RFC3: variants seen among roughly 807,000 people sequenced by gnomAD.
RFC3 encodes the protein A1 38 kDa subunit.
RFC3 carries 41 observed loss-of-function variants against 45.1 expected under a neutral mutation model. The ratio of observed to expected loss-of-function variants is 0.91; its 90% confidence interval spans 0.71 to 1.18. The LOEUF (loss-of-function observed/expected upper bound fraction) is 1.18, where lower values mean the gene tolerates loss of function less well. Ranked by LOEUF, RFC3 falls within the 50% of genes most tolerant of loss-of-function variation. The pLI is 0.00. For missense variants in RFC3, 423 were observed against 428.1 expected (o/e 0.99, Z 0.10); for synonymous variants, 149 against 144.0 (o/e 1.03, Z -0.25).
intron 8 of RFC3, among the ~76,000 whole-genome samples, chr13:33,922,151 T>C (rs1029332818): frequency 4.4e-5 from 4 of 89,994 alleles, no homozygotes; most frequent in African/African-American, 1.5e-4. Flanking sequence ...GCTTCATTGC[T>C]TTTTTTTTTT....
chr13:33,976,144 A>C, the RFC3 span, among the ~76,000 whole-genome samples: 3 of 152,226 alleles, frequency 2.0e-5, no homozygotes, highest in African/African-American at 7.2e-5. Flanking sequence ...CCAGTGAAAG[A>C]AGCATTGGAT....
intron 8 of RFC3, among the ~76,000 whole-genome samples, chr13:33,899,498 G>A (rs929513628): frequency 7.9e-5 from 12 of 151,354 alleles, no homozygotes; most frequent in African/African-American, 2.9e-4. Flanking sequence ...ACAATAAAAA[G>A]CCTCATCAAA....
chr13:33,826,700 A>G (rs1213234744), intron 4 of RFC3, among the ~76,000 whole-genome samples: 3 of 152,068 alleles, frequency 2.0e-5, no homozygotes, highest in Admixed American at 2.0e-4. Flanking sequence ...ATATCTTGCT[A>G]TGTTATTAAA....
chr13:33,873,145 C>T (rs2082423401), intron 8 of RFC3, among the ~76,000 whole-genome samples: 1 of 152,174 alleles, frequency 6.6e-6, no homozygotes, highest in Non-Finnish European at 1.5e-5. Context: ...ACCAACTCTA[C>T]ACCTCCAGGC....
chr13:33,836,725 T>C lies in RFC3; in HGVS notation c.*430T>C. The C allele has an allele frequency of 1.0e-6, 1 of 985,184 alleles. No individual in the cohort carries two copies. The highest frequency in any genetic ancestry group is 1.2e-6 in the Non-Finnish European group (1 of 829,468). The allele number at this position is 985,184 out of a possible 1,614,324, so 61.0% of individuals were successfully genotyped here. A position where few individuals can be genotyped will look rare whatever the true frequency, so the allele number is the denominator to read the frequency against. ...TATATTTAATTCTAGTTTCTCTCAA[T>C]GAATAATTGTATTTTTGTAGGAAAT... On this transcript the variant is annotated 3_prime_UTR_variant, in exon 9 of 9. Coordinates refer to ENST00000380071, the MANE Select transcript of RFC3 (RefSeq NM_002915.4).
At chr13:33,940,568 A>T (rs2082916736) in intron 8 of RFC3, among the ~76,000 whole-genome samples, 1 of 152,216 alleles carries the variant, frequency 6.6e-6, no homozygotes, top group Non-Finnish European at 1.5e-5. Flanking sequence ...TGCTGTTGTC[A>T]TAGCCATTAT....
chr13:33,834,298 G>GTGTGTATATATATATA lies in RFC3; in HGVS notation c.810-849_810-848insGTGTATATATATATAT, dbSNP rs1302839326. Among the ~76,000 whole-genome samples, 464 of 109,024 alleles carry GTGTGTATATATATATA rather than the reference G, an allele frequency of 4.3e-3. 6 individuals carry two copies. Among genetic ancestry groups the GTGTGTATATATATATA allele is most frequent in the East Asian group, 0.021 (69 of 3,346 alleles). The allele number at this position is 109,024 out of a possible 152,430, so 71.5% of individuals were successfully genotyped here. On this transcript the variant is annotated intron_variant, in intron 7 of 8. Transcript: ENST00000380071. ...GAAGTATGGAACATCTGTACTGTGT[G>GTGTGTATATATATATA]TATATATATATATATATATATATAT...
chr13:33,910,605 C>T (rs2082698075), intron 8 of RFC3, among the ~76,000 whole-genome samples: 1 of 152,008 alleles, frequency 6.6e-6, no homozygotes, highest in South Asian at 2.1e-4. Context: ...ATAGGAGCTA[C>T]CTGGCAAGGA....
intron 8 of RFC3, among the ~76,000 whole-genome samples, chr13:33,907,329 C>G (rs1244030534): frequency 6.6e-6 from 1 of 152,020 alleles, no homozygotes; most frequent in Non-Finnish European, 1.5e-5. Context: ...ACCAGAAATC[C>G]TGGATTGCTG....
chr13:33,937,941 C>A (rs1443976480), intron 8 of RFC3, among the ~76,000 whole-genome samples: 1 of 152,082 alleles, frequency 6.6e-6, no homozygotes, highest in African/African-American at 2.4e-5. Context: ...GGGGTGGCAG[C>A]TTTCTGCCCT....
Position 33,933,862 on chromosome 13 carries a change from C to T in RFC3, c.880-32225C>T, listed in dbSNP as rs755954170. Among the ~76,000 whole-genome samples, 46 of 150,526 alleles carry T rather than the reference C, an allele frequency of 3.1e-4. 1 individual carries two copies. Among genetic ancestry groups the T allele is most frequent in the Admixed American group, 6.6e-5 (1 of 15,096 alleles). On this transcript the variant is annotated intron_variant, in intron 8 of 8. Transcript: ENST00000434425. ...GTTTTAAAGTTTCATTGGCTAACTA[C>T]GTTAAATTAAGAGAAATATGTAATT... is the stretch of plus-strand genomic sequence containing the variant.
In RFC3 at chr13:33,947,667, T is replaced by C. The variant is rs2082962800; in HGVS notation, c.880-18420T>C. Among the ~76,000 whole-genome samples the C allele has an allele frequency of 3.9e-5, 6 of 152,196 alleles. No homozygotes were observed. The South Asian group carries it at 1.2e-3, about 31-fold the overall frequency. ...AGATGTGAGAAAGTTTGGAACTTCC[T>C]AGAGACTTGTTGAATGGCTTTGGTC... On this transcript the variant is annotated intron_variant, in intron 8 of 8. Transcript: ENST00000434425.
intron 4 of RFC3, among the ~76,000 whole-genome samples, chr13:33,828,155 AT>A (rs2082068247): frequency 6.6e-6 from 1 of 152,210 alleles, no homozygotes; most frequent in Admixed American, 6.5e-5. Flanking sequence ...CTCTAAAAAA[AT>A]AAAATAAAAA....
chr13:33,851,318 G>A (rs991489811), intron 8 of RFC3, among the ~76,000 whole-genome samples: 1 of 152,050 alleles, frequency 6.6e-6, no homozygotes, highest in African/African-American at 2.4e-5. Flanking sequence ...GCATCAACCC[G>A]TCACAGTTGA....
intron 8 of RFC3, among the ~76,000 whole-genome samples, chr13:33,937,499 A>G (rs1015162918): frequency 1.3e-5 from 2 of 152,200 alleles, no homozygotes; most frequent in African/African-American, 4.8e-5. Flanking sequence ...TAGAAAGGTC[A>G]AATGAATTAA....
intron 6 of RFC3, 106 bp from the exon 7 acceptor site, chr13:33,831,150 C>T (rs2082099305): frequency 2.8e-6 from 2 of 706,326 alleles, no homozygotes; most frequent in African/African-American, 1.8e-5. Flanking sequence ...CTCACTCCTG[C>T]TGTGCAGCCC....
chr13:33,822,416 A>G (rs1368003619), intron 2 of RFC3, among the ~76,000 whole-genome samples: 2 of 152,234 alleles, frequency 1.3e-5, no homozygotes, highest in African/African-American at 4.8e-5. Context: ...GTCCGTCCAT[A>G]TGGAACGGTA....
intron 8 of RFC3, among the ~76,000 whole-genome samples, chr13:33,870,262 G>T (rs1184648095): frequency 6.6e-6 from 1 of 152,120 alleles, no homozygotes; most frequent in East Asian, 1.9e-4. Flanking sequence ...TGCCTGGGTG[G>T]GCTTGTTTAT....
intron 4 of RFC3, among the ~76,000 whole-genome samples, chr13:33,829,379 T>C (rs1444179025): frequency 6.6e-6 from 1 of 152,232 alleles, no homozygotes; most frequent in Admixed American, 6.5e-5. Flanking sequence ...TAAAGTTATT[T>C]TGGGGAAATG....
Sources: allele counts gnomAD v4.1 joint callset (sites outside exome capture counted in the v4.1 genomes callset), GRCh38; gene constraint gnomAD v4.1.1; transcripts MANE v1.5; gene names NCBI Gene and HGNC (gene_info 2026-07-23, HGNC 2026-07-21).